The following SLC2A8 variants were observed in gnomAD, a reference collection of about 807,000 sequenced individuals.
SLC2A8 encodes the protein solute carrier family 2 member 8, also known as solute carrier family 2, facilitated glucose transporter member 8.
Under a neutral mutation model 49.2 loss-of-function variants are expected in SLC2A8, and 53 were observed. The ratio of observed to expected loss-of-function variants is 1.08; its 90% CI spans 0.86 to 1.35. SLC2A8 has a LOEUF of 1.35. SLC2A8 is among the 40% of genes most tolerant of loss of function. SLC2A8 has a pLI of 0.00. For synonymous variants in SLC2A8, 299 were observed against 297.0 expected, an observed-to-expected ratio of 1.01 and a Z score of -0.07; for missense variants, 688 against 671.7, an observed-to-expected ratio of 1.02 and a Z score of -0.27.
intron 5 of SLC2A8, chr9:127,403,437 C>T (rs990004379): frequency 3.4e-6 from 2 of 591,212 alleles, no homozygotes; most frequent in Non-Finnish European, 6.0e-6. Context: ...TTGTGGCTCC[C>T]CCCCACCTAT....
Position 127,407,137 on chromosome 9 carries a change from T to A in SLC2A8, c.1322T>A (p.Phe441Tyr). ...LMEVLRPYGA[F>Y]WLASAFCIFS... The stretch of plus-strand genomic sequence containing the variant: ...GAGGTCCTCAGGCCCTATGGAGCCT[T>A]CTGGCTTGCCTCCGCTTTCTGCATC... The change falls in exon 10 of 10, where the codon TTC (phenylalanine) becomes TAC (tyrosine). Residue 441 changes from phenylalanine (F) to tyrosine (Y), a missense_variant. Transcript: ENST00000373371. 1 of 1,613,634 alleles carries A rather than the reference T, an allele frequency of 6.2e-7. No individual in the cohort carries two copies. The highest frequency in any genetic ancestry group is 8.5e-7 in the Non-Finnish European group (1 of 1,180,008).
Position 127,399,911 on chromosome 9 carries a change from A to C in SLC2A8, c.431A>C (p.Tyr144Ser). Residue 144 changes from tyrosine (Y) to serine (S), a missense_variant, in exon 4 of 10, where the codon TAC (tyrosine) becomes TCC (serine). Transcript: ENST00000373371. This position sits in a 1 kb window ranked among gnomAD's most constrained non-coding sequence, Gnocchi z 4.2. ...TCCTCATCTGATTGCTGGCAGGTCT[A>C]CATCTCCGAAATCGCCTACCCAGCA... is the stretch of plus-strand genomic sequence containing the variant. ...CGVASLVAPVYISEIAYPAVR... is the reference protein window; with the variant it reads ...CGVASLVAPVSISEIAYPAVR... 6.2e-7 allele frequency: 1 copy of C among 1,613,386 alleles called. No homozygotes were observed.
intron 9 of SLC2A8, among the ~76,000 whole-genome samples, chr9:127,406,673 C>T (rs1053415906): frequency 2.2e-4 from 16 of 72,574 alleles, no homozygotes; most frequent in African/African-American, 6.7e-4. Flanking sequence ...CCCATGTGCT[C>T]CTGGGGCCAT....
chr9:127,404,766 G>T, intron 7 of SLC2A8, 52 bp from the exon 8 acceptor site: 3 of 1,575,700 alleles, frequency 1.9e-6, no homozygotes, highest in Non-Finnish European at 1.7e-6. Flanking sequence ...ATGCTGCTGC[G>T]CCCTGGGCCG....
In SLC2A8 at chr9:127,397,601, C is replaced by G. The variant is rs1004211062; in HGVS notation, c.219+63C>G. On this transcript the variant is annotated intron_variant, in intron 2 of 9. Coordinates refer to ENST00000373371, the MANE Select transcript of SLC2A8 (RefSeq NM_014580.5). ...CACGCCCTCCTCTCGGGACGGGCAT[C>G]GGGACCCTCCGCCCCCCACCCTTCC... 3 of 1,364,296 alleles carry G rather than the reference C, an allele frequency of 2.2e-6. No individual in the cohort carries two copies. The East Asian group carries it at 9.2e-5, about 42-fold the overall frequency. 84.5% of individuals were successfully genotyped at this position (1,364,296 alleles called of 1,614,324 possible).
In SLC2A8 at chr9:127,399,103, G is replaced by T. The variant is rs1833166349; in HGVS notation, c.427-804G>T. Among the ~76,000 whole-genome samples, 1 of 152,194 alleles carries T rather than the reference G, an allele frequency of 6.6e-6. No homozygotes were observed. The highest frequency in any genetic ancestry group is 2.4e-5 in the African/African-American group (1 of 41,434). On this transcript the variant is annotated intron_variant, in intron 3 of 9. Coordinates refer to ENST00000373371, the MANE Select transcript of SLC2A8 (RefSeq NM_014580.5). This position sits in a 1 kb window ranked among gnomAD's most constrained non-coding sequence, Gnocchi z 4.2. Reference sequence around the variant, plus strand: ...CATGGGTGAGGGCCTGGTGGCCTGTGGGCCCAGGAGGGAGCTAGTGGCAGC... The same window carrying T: ...CATGGGTGAGGGCCTGGTGGCCTGTTGGCCCAGGAGGGAGCTAGTGGCAGC...
chr9:127,402,532 A>C (rs749676247), intron 4 of SLC2A8, 25 bp from the exon 5 acceptor site: 1 of 1,494,952 alleles, frequency 6.7e-7, no homozygotes, highest in East Asian at 2.5e-5. Context: ...CTCTGACGCC[A>C]GCCTCCTCCA....
Position 127,407,326 on chromosome 9 carries a change from G to A in SLC2A8, c.*77G>A, listed in dbSNP as rs1223880875. On this transcript the variant is annotated 3_prime_UTR_variant, in exon 10 of 10. Coordinates refer to ENST00000373371, the MANE Select transcript of SLC2A8 (RefSeq NM_014580.5). ...GCCCAGAGCCCCTGCCTGCCCCAGG[G>A]GAGCCAGAATCCAGCCCCTTGGAGC... The A allele has an allele frequency of 5.7e-6, 9 of 1,578,920 alleles. No homozygotes were observed. Among genetic ancestry groups the A allele is most frequent in the African/African-American group, 2.7e-5 (2 of 74,086 alleles).
rs549171691 is a variant in SLC2A8, at chr9:127,402,063, A to G, written c.527-494A>G. Reference sequence around the variant, plus strand: ...TACTTTGAATAGATAATGCATTCAAATGACTCAACACTCAAGTGCCAGAGT... The same window carrying G: ...TACTTTGAATAGATAATGCATTCAAGTGACTCAACACTCAAGTGCCAGAGT... On this transcript the variant is annotated intron_variant, in intron 4 of 9. Coordinates refer to ENST00000373371, the MANE Select transcript of SLC2A8 (RefSeq NM_014580.5). Among the ~76,000 whole-genome samples the G allele has an allele frequency of 1.1e-4, 17 of 152,378 alleles. No individual in the cohort carries two copies. The South Asian group carries it at 1.4e-3, about 13-fold the overall frequency.
Position 127,402,737 on chromosome 9 carries a change from C to A in SLC2A8, c.707C>A (p.Pro236His). The part of the protein sequence containing the change: ...WGSEQGWEDP[P>H]IGAEQSFHLA... The stretch of plus-strand genomic sequence containing the variant: ...TCCGAGCAGGGCTGGGAAGACCCCC[C>A]CATCGGGGCTGAGCAGGTGAGAGGC... The change falls in exon 5 of 10, where the codon CCC (proline) becomes CAC (histidine). Residue 236 changes from proline to histidine, a missense_variant. By Grantham distance (77) the Pro-to-His change is moderately conservative. Transcript: ENST00000373371. 2 of 1,548,162 alleles carry A rather than the reference C, an allele frequency of 1.3e-6. No homozygotes were observed. The highest frequency in any genetic ancestry group is 8.7e-7 in the Non-Finnish European group (1 of 1,146,834).
chr9:127,398,106 G>T lies in SLC2A8; in HGVS notation c.421G>T (p.Ala141Ser), dbSNP rs375929124. 6.3e-6 allele frequency: 10 copies of T among 1,575,608 alleles called. No individual in the cohort carries two copies. Among genetic ancestry groups the T allele is most frequent in the Non-Finnish European group, 8.6e-6 (10 of 1,164,178 alleles). Residue 141 changes from alanine to serine, a missense_variant, in exon 3 of 10, where the codon GCC becomes TCC. Ala to Ser is a moderately conservative substitution (Grantham distance 99). Transcript: ENST00000373371. The part of the protein sequence containing the change: ...GLACGVASLV[A>S]PVYISEIAYP... ...GGCCTGCGGTGTTGCCTCCCTAGTG[G>T]CCCCGGTGAGTGTCCCGTCTCTCGA...
chr9:127,405,601 G>A (rs528100410), intron 9 of SLC2A8, 36 bp downstream of exon 9: 1 of 1,611,052 alleles, frequency 6.2e-7, no homozygotes, highest in Admixed American at 1.7e-5. Context: ...CGTTCGTGCA[G>A]TCAGCCGAGA....
intron 3 of SLC2A8, 32 bp downstream of exon 3, chr9:127,398,143 C>A: frequency 6.4e-7 from 1 of 1,556,780 alleles, no homozygotes; most frequent in East Asian, 2.3e-5. Context: ...TGTCCTGTCT[C>A]GCGGCCTGAG....
chr9:127,401,678 G>A (rs1833298145), intron 4 of SLC2A8, among the ~76,000 whole-genome samples: 1 of 152,150 alleles, frequency 6.6e-6, no homozygotes, highest in South Asian at 2.1e-4. Flanking sequence ...CGATCCACTG[G>A]GGTGGGTGAA....
intron 8 of SLC2A8, 135 bp from the exon 9 acceptor site, chr9:127,405,285 G>A: frequency 9.7e-7 from 1 of 1,035,132 alleles, no homozygotes; most frequent in Non-Finnish European, 1.4e-6. Context: ...AAAGCATGGA[G>A]CTGGTGGGAC....
At chr9:127,402,028 C>A (rs936860737) in intron 4 of SLC2A8, among the ~76,000 whole-genome samples, 1 of 152,266 alleles carries the variant, frequency 6.6e-6, no homozygotes, top group Non-Finnish European at 1.5e-5. Flanking sequence ...CACCTCTCTA[C>A]TTTCATGTAT....
intron 9 of SLC2A8, 49 bp downstream of exon 9, chr9:127,405,614 C>T: frequency 6.2e-7 from 1 of 1,606,950 alleles, no homozygotes; most frequent in Non-Finnish European, 8.5e-7. Flanking sequence ...AGCCGAGAAG[C>T]ACTTTCTAAA....
rs984062695 is a variant in SLC2A8, at chr9:127,399,156, C to T, written c.427-751C>T. On this transcript the variant is annotated intron_variant, in intron 3 of 9. Transcript: ENST00000373371. The surrounding 1 kb of genome is among the most constrained non-coding windows in gnomAD (Gnocchi z 4.2). ...CTGGTAGTGACCGAGGCAGAGAGTT[C>T]GTGCTTCTAGTCCAAGGCCACCACT... is the stretch of plus-strand genomic sequence containing the variant. Among the ~76,000 whole-genome samples, 5 of 152,148 alleles carry T rather than the reference C, an allele frequency of 3.3e-5. No individual in the cohort carries two copies. Among genetic ancestry groups the T allele is most frequent in the Non-Finnish European group, 5.9e-5 (4 of 68,024 alleles).
intron 7 of SLC2A8, 61 bp downstream of exon 7, chr9:127,404,128 C>T (rs1201953470): frequency 1.7e-6 from 2 of 1,164,848 alleles, no homozygotes; most frequent in South Asian, 1.3e-5. Flanking sequence ...GCCAAGGCCA[C>T]CACACTGCAG....
Sources: gnomAD v4.1 joint callset for allele counts (sites outside exome capture counted in the v4.1 genomes callset) on GRCh38, gnomAD v4.1.1 for gene constraint, Gnocchi (gnomAD v3.1) non-coding constraint, MANE v1.5 for transcripts, NCBI Gene and HGNC (gene_info 2026-07-23, HGNC 2026-07-21) for gene names.